Variants in SULF2 observed in about 807,000 individuals in gnomAD.
The protein encoded by SULF2 is extracellular sulfatase Sulf-2.
A neutral mutation model predicts 107.7 loss-of-function variants in SULF2; 52 were observed. That is an observed-to-expected ratio of 0.48 (90% confidence interval 0.39 to 0.61). The LOEUF is 0.61. Among genes scored for constraint, SULF2 ranks in the 20% least tolerant of loss-of-function variants. The pLI, the probability that SULF2 is intolerant of heterozygous loss-of-function variation, is 0.00. For missense variants in SULF2, 993 were observed against 1,177.3 expected (o/e 0.84, Z 2.29); for synonymous variants, 460 against 464.3 (o/e 0.99, Z 0.12).
chr20:47,766,693 T>C (rs997393393), intron 1 of SULF2, among the ~76,000 whole-genome samples: 3 of 152,170 alleles, frequency 2.0e-5, no homozygotes, highest in Non-Finnish European at 4.4e-5. Context: ...AGTTGAAAGA[T>C]TCCAGCTACA....
chr20:47,691,196 G>A (rs189552512), intron 4 of SULF2, among the ~76,000 whole-genome samples: 3 of 152,298 alleles, frequency 2.0e-5, no homozygotes, highest in Non-Finnish European at 4.4e-5. Flanking sequence ...CTACACTGGG[G>A]CAGGAGCAGA....
In SULF2 at chr20:47,699,374, ATATCAGAAGTACTACATGT is replaced by A. The variant is rs1197971446; in HGVS notation, c.567+3126_567+3144del. Among the ~76,000 whole-genome samples, 4 of 151,938 alleles carry A rather than the reference ATATCAGAAGTACTACATGT, an allele frequency of 2.6e-5. No homozygotes were observed. The East Asian group carries it at 7.8e-4, about 30-fold the overall frequency. On this transcript the variant is annotated intron_variant, in intron 4 of 20. Transcript: ENST00000688720. ...CACTCCCCTCATATGATTGTTGTGA[ATATCAGAAGTACTACATGT>A]TATCAGAAGTACTACTGTGTACCCC...
At position 47,676,608 on chromosome 20, in the gene SULF2, CTT is replaced by C; in HGVS notation, c.1264_1265del (p.Lys422GlufsTer4). On this transcript the variant is annotated frameshift_variant, in exon 10 of 21. Coordinates refer to ENST00000688720, the MANE Select transcript of SULF2 (RefSeq NM_001387048.1). LOFTEE classifies it high-confidence loss of function. Reference protein sequence around the residue: ...FLVERGKLLHKRDNDKVDAQE... With the variant: ...FLVERGKLLHXRDNDKVDAQE... ...GGGCGTCCACCTTGTCATTGTCTCT[CTT>C]GTGTAGCAGCTTGCTATGGGGCAGA... 1 of 1,554,286 alleles carries C rather than the reference CTT, an allele frequency of 6.4e-7. No homozygotes were observed. Among genetic ancestry groups the C allele is most frequent in the Non-Finnish European group, 8.7e-7 (1 of 1,149,038 alleles).
chr20:47,692,824 T>C (rs2088240569), intron 4 of SULF2, among the ~76,000 whole-genome samples: 1 of 152,166 alleles, frequency 6.6e-6, no homozygotes, highest in Non-Finnish European at 1.5e-5. Context: ...AAGGCATGTG[T>C]AAAGTTGTCC....
At chr20:47,712,876 A>C (rs1354036385) in intron 3 of SULF2, among the ~76,000 whole-genome samples, 1 of 152,128 alleles carries the variant, frequency 6.6e-6, no homozygotes, top group Non-Finnish European at 1.5e-5. Context: ...TCTACCAAAA[A>C]ACCAAAAAAT....
chr20:47,671,605 T>A (rs1422402431), intron 11 of SULF2, among the ~76,000 whole-genome samples: 9 of 152,018 alleles, frequency 5.9e-5, no homozygotes, highest in African/African-American at 2.2e-4. Context: ...CCACAAACAC[T>A]GACTAATTGA....
intron 1 of SULF2, among the ~76,000 whole-genome samples, chr20:47,775,501 T>G (rs1218879096): frequency 6.6e-6 from 1 of 152,222 alleles, no homozygotes; most frequent in Non-Finnish European, 1.5e-5. Context: ...TGGAGTGGTT[T>G]GTTATACAGC....
At chr20:47,696,663 C>T (rs1213009942) in intron 4 of SULF2, among the ~76,000 whole-genome samples, 1 of 152,146 alleles carries the variant, frequency 6.6e-6, no homozygotes, top group African/African-American at 2.4e-5. Context: ...GGGTGTAATG[C>T]ACCAGATGGT....
chr20:47,729,297 T>C (rs1315083682), intron 3 of SULF2, among the ~76,000 whole-genome samples: 1 of 151,886 alleles, frequency 6.6e-6, no homozygotes, highest in African/African-American at 2.4e-5. Context: ...GACCCTGAGG[T>C]GGCTGTCGGG....
intron 3 of SULF2, among the ~76,000 whole-genome samples, chr20:47,723,928 G>A (rs1375125380): frequency 1.3e-5 from 2 of 152,148 alleles, no homozygotes; most frequent in Non-Finnish European, 2.9e-5. Flanking sequence ...TGTCTTCCAC[G>A]AAACCGGTTG....
rs1247809640 is a variant in SULF2 at position 47,757,263 on chromosome 20, C to T, written c.101G>A (p.Arg34Lys). The change falls in exon 2 of 21, where the codon AGG becomes AAG. Residue 34 changes from arginine (R) to lysine (K), a missense_variant. Physicochemically the swap from Arg to Lys is conservative, Grantham distance 26. Transcript: ENST00000688720. ...GATGTTCCTGCGGTCCCTCTGAAAC[C>T]TGCCTTTCAGGCGGTGGTGCGACAG... ...AFLSHHRLKG[R>K]FQRDRRNIRP... is the part of the protein sequence containing the mutation. 6.3e-7 allele frequency: 1 copy of T among 1,579,170 alleles called. No individual in the cohort carries two copies. Among genetic ancestry groups the T allele is most frequent in the South Asian group, 1.2e-5 (1 of 86,402 alleles).
intron 14 of SULF2, 149 bp downstream of exon 14, chr20:47,665,050 G>A (rs943238535): frequency 1.3e-4 from 92 of 687,930 alleles, no homozygotes; most frequent in Non-Finnish European, 2.3e-4. Flanking sequence ...CTGACAACAG[G>A]GAGGTAAATT....
chr20:47,659,069 A>G (rs886260903), intron 20 of SULF2, among the ~76,000 whole-genome samples: 3 of 152,216 alleles, frequency 2.0e-5, no homozygotes, highest in Non-Finnish European at 2.9e-5. Context: ...CTGATGTTGT[A>G]TATCAGTTAG....
Position 47,678,506 on chromosome 20 carries a change from A to ATGGGACCATGCTTCTCTCCCAC in SULF2, c.1193+169_1193+170insGTGGGAGAGAAGCATGGTCCCA. The ATGGGACCATGCTTCTCTCCCAC allele has an allele frequency of 2.6e-6, 2 of 768,566 alleles. No homozygotes were observed. Among genetic ancestry groups the ATGGGACCATGCTTCTCTCCCAC allele is most frequent in the Non-Finnish European group, 4.2e-6 (2 of 477,146 alleles). 47.6% of individuals were successfully genotyped at this position (768,566 alleles called of 1,614,324 possible). ...CAGATGGGAAGACAGAATCTCGGAGAGGGGACCATGCTTCTCTCCCACAGC... is the reference window on the plus strand; with the variant it reads ...CAGATGGGAAGACAGAATCTCGGAGATGGGACCATGCTTCTCTCCCACGGGGACCATGCTTCTCTCCCACAGC... On this transcript the variant is annotated intron_variant, in intron 8 of 20. Transcript: ENST00000688720. This position sits in a 1 kb window ranked among gnomAD's most constrained non-coding sequence, Gnocchi z 4.5.
chr20:47,709,884 C>A (rs377186711), intron 3 of SULF2, among the ~76,000 whole-genome samples: 2 of 150,430 alleles, frequency 1.3e-5, no homozygotes, highest in Non-Finnish European at 2.9e-5. Context: ...CCTGGGGATC[C>A]ACTCTTACCT....
intron 7 of SULF2, among the ~76,000 whole-genome samples, chr20:47,682,455 G>C (rs892324717): frequency 2.0e-5 from 3 of 152,224 alleles, no homozygotes; most frequent in African/African-American, 7.2e-5. Flanking sequence ...CCCAGACGCA[G>C]CATGTTCGCT....
At chr20:47,702,026 A>T (rs1372018388) in intron 4 of SULF2, among the ~76,000 whole-genome samples, 2 of 152,172 alleles carry the variant, frequency 1.3e-5, no homozygotes, top group Admixed American at 1.3e-4. Context: ...AAACTCTTGG[A>T]AACAGACACT....
chr20:47,678,813 G>A lies in SULF2; in HGVS notation c.1065-9C>T, dbSNP rs1251315773. The A allele has an allele frequency of 6.2e-7, 1 of 1,612,568 alleles. No homozygotes were observed. The highest frequency in any genetic ancestry group is 1.3e-5 in the African/African-American group (1 of 74,902). On this transcript the variant is annotated splice_polypyrimidine_tract_variant and intron_variant, in intron 7 of 20. Coordinates refer to ENST00000688720, the MANE Select transcript of SULF2 (RefSeq NM_001387048.1). The surrounding 1 kb of genome is among the most constrained non-coding windows in gnomAD (Gnocchi z 4.5). ...GGACGATGTGGGGATTCCTGGGGGA[G>A]GCAGGAGATCGGGGACTCAGTCACT... is the stretch of plus-strand genomic sequence containing the variant.
chr20:47,740,709 C>G (rs1259312236), intron 2 of SULF2, among the ~76,000 whole-genome samples: 1 of 152,154 alleles, frequency 6.6e-6, no homozygotes, highest in Non-Finnish European at 1.5e-5. Flanking sequence ...AAGTGGCACA[C>G]AGATATATGA....
Sources: gnomAD v4.1 joint callset for allele counts (sites outside exome capture counted in the v4.1 genomes callset) on GRCh38, gnomAD v4.1.1 for gene constraint, Gnocchi (gnomAD v3.1) non-coding constraint, MANE v1.5 for transcripts, NCBI Gene and HGNC (gene_info 2026-07-23, HGNC 2026-07-21) for gene names.